EYS: variants seen among roughly 807,000 people sequenced by gnomAD.
EYS encodes protein eyes shut homolog.
EYS carries 250 observed loss-of-function variants against 282.1 expected under a neutral mutation model. The observed-to-expected ratio is 0.89, with a 90% CI of 0.80 to 0.98. EYS has a LOEUF of 0.98. EYS is among the 50% of genes least tolerant of loss of function. The pLI, the probability that EYS is intolerant of heterozygous loss-of-function variation, is 0.00. For missense variants in EYS, 4,016 were observed against 3,709.0 expected, an observed-to-expected ratio of 1.08 and a Z score of -2.15; for synonymous variants, 1,355 against 1,282.9, an observed-to-expected ratio of 1.06 and a Z score of -1.20.
intron 33 of EYS, among the ~76,000 whole-genome samples, chr6:64,010,054 T>G (rs1768534965): frequency 6.7e-6 from 1 of 150,138 alleles, no homozygotes; most frequent in African/African-American, 2.5e-5. Flanking sequence ...GCTCTAACTC[T>G]GGGGGGTGGG....
chr6:64,274,332 G>A (rs1369742613), intron 30 of EYS, among the ~76,000 whole-genome samples: 1 of 151,938 alleles, frequency 6.6e-6, no homozygotes, highest in Non-Finnish European at 1.5e-5. Flanking sequence ...GCGCCACCAC[G>A]CCGGGCTAAT....
At chr6:65,506,572 C>T (rs1433121864) in intron 2 of EYS, among the ~76,000 whole-genome samples, 5 of 139,410 alleles carry the variant, frequency 3.6e-5, no homozygotes, top group African/African-American at 1.3e-4. Context: ...TTGATCTCCT[C>T]GACTCAAGCA....
intron 12 of EYS, among the ~76,000 whole-genome samples, chr6:65,085,722 A>G (rs1774346279): frequency 6.6e-6 from 1 of 152,130 alleles, no homozygotes; most frequent in African/African-American, 2.4e-5. Flanking sequence ...AAGGCTTTCC[A>G]TAGTGTCTCA....
intron 36 of EYS, among the ~76,000 whole-genome samples, chr6:63,834,957 A>G (rs1299839603): frequency 1.3e-5 from 2 of 150,278 alleles, no homozygotes; most frequent in African/African-American, 2.5e-5. Context: ...CAAGGACAGA[A>G]AAACAAACAC....
chr6:64,745,949 A>G (rs1772543430), intron 22 of EYS, among the ~76,000 whole-genome samples: 1 of 152,136 alleles, frequency 6.6e-6, no homozygotes, highest in African/African-American at 2.4e-5. Context: ...CTTGAGTAGT[A>G]GCCTCCAAAG....
intron 13 of EYS, among the ~76,000 whole-genome samples, chr6:65,043,243 AATAT>A (rs777428758): frequency 5.3e-5 from 8 of 151,614 alleles, no homozygotes; most frequent in Non-Finnish European, 1.0e-4. Flanking sequence ...CTTATTTTGA[AATAT>A]ACACATGTAG....
intron 31 of EYS, among the ~76,000 whole-genome samples, chr6:64,156,028 GTGTGTGTGTGTGTT>G (rs1334545885): frequency 6.6e-6 from 1 of 150,594 alleles, no homozygotes; most frequent in Non-Finnish European, 1.5e-5. Flanking sequence ...GTTTATGTGT[GTGTGTGTGTGTGTT>G]TGTGTGTGTG....
chr6:63,887,955 T>G (rs888951654), intron 35 of EYS, among the ~76,000 whole-genome samples: 2 of 152,028 alleles, frequency 1.3e-5, no homozygotes, highest in Admixed American at 6.6e-5. Flanking sequence ...TAGAGCTTGG[T>G]GGGGGGAGGG....
intron 29 of EYS, among the ~76,000 whole-genome samples, chr6:64,311,403 TGTA>T (rs2150378551): frequency 6.6e-6 from 1 of 152,324 alleles, no homozygotes; most frequent in South Asian, 2.1e-4. Context: ...TTTAAAAAAT[TGTA>T]GTCACGTGCT....
intron 40 of EYS, among the ~76,000 whole-genome samples, chr6:63,770,177 C>T (rs1769895197): frequency 6.6e-6 from 1 of 152,146 alleles, no homozygotes; most frequent in Middle Eastern, 3.4e-3. Flanking sequence ...AAAGTTTAAT[C>T]ACCATATAAA....
intron 26 of EYS, among the ~76,000 whole-genome samples, chr6:64,551,969 G>A (rs552205845): frequency 2.0e-5 from 3 of 152,222 alleles, no homozygotes; most frequent in African/African-American, 4.8e-5. Flanking sequence ...AATCCACAGC[G>A]ATATTGGGCA....
chr6:65,598,191 G>A (rs1054259156), intron 2 of EYS, among the ~76,000 whole-genome samples: 4 of 149,054 alleles, frequency 2.7e-5, no homozygotes, highest in East Asian at 2.0e-4. Flanking sequence ...CTACCACAGG[G>A]TGGTAGTAAT....
At chr6:65,426,600 A>T (rs182799428) in intron 5 of EYS, among the ~76,000 whole-genome samples, 1 of 152,222 alleles carries the variant, frequency 6.6e-6, no homozygotes, top group Admixed American at 6.5e-5. Context: ...CACTTTTTAA[A>T]TTGCCCTGTT....
At chr6:63,971,638 T>C (rs915472927) in intron 35 of EYS, among the ~76,000 whole-genome samples, 1 of 151,974 alleles carries the variant, frequency 6.6e-6, no homozygotes, top group African/African-American at 2.4e-5. Context: ...AGTGGATGGG[T>C]AGACTAGAGA....
At chr6:65,119,042 T>C (rs1775455375) in intron 12 of EYS, among the ~76,000 whole-genome samples, 1 of 152,090 alleles carries the variant, frequency 6.6e-6, no homozygotes, top group African/African-American at 2.4e-5. Flanking sequence ...GCAAAAGGAA[T>C]AATGGAAATG....
At chr6:65,353,131 G>T (rs1249896314) in intron 9 of EYS, among the ~76,000 whole-genome samples, 1 of 151,530 alleles carries the variant, frequency 6.6e-6, no homozygotes, top group East Asian at 1.9e-4. Context: ...TTTCATAAGA[G>T]CATTTTGTTT....
chr6:63,779,470 A>G (rs1412169010), intron 39 of EYS: 1 of 151,550 alleles, frequency 6.6e-6, no homozygotes, highest in East Asian at 1.9e-4. Flanking sequence ...AAAAAAACCA[A>G]ACAAACAAAA....
intron 12 of EYS, among the ~76,000 whole-genome samples, chr6:65,282,774 T>C (rs1221618955): frequency 6.6e-6 from 1 of 152,010 alleles, no homozygotes; most frequent in East Asian, 1.9e-4. Context: ...ACAATGCTTT[T>C]GTTAGTATTA....
chr6:64,215,587 T>TA (rs1765905359), intron 31 of EYS, among the ~76,000 whole-genome samples: 2 of 152,102 alleles, frequency 1.3e-5, no homozygotes, highest in South Asian at 4.1e-4. Context: ...ATTTTTTCCC[T>TA]AAATACCAAG....
Sources: gnomAD v4.1 joint callset for allele counts (sites outside exome capture counted in the v4.1 genomes callset) on GRCh38, gnomAD v4.1.1 for gene constraint, MANE v1.5 for transcripts, NCBI Gene and HGNC (gene_info 2026-07-23, HGNC 2026-07-21) for gene names.